The following LRP1B variants were observed in gnomAD, a reference collection of about 807,000 sequenced individuals.
LRP1B encodes the protein low-density lipoprotein receptor-related protein 1B.
Under a neutral mutation model 556.6 loss-of-function variants are expected in LRP1B, and 217 were observed. The observed-to-expected ratio is 0.39, with a 90% CI of 0.35 to 0.44. LRP1B has a LOEUF of 0.44. Among genes scored for constraint, LRP1B ranks in the 20% least tolerant of loss-of-function variants. The pLI is 1.00. For missense variants in LRP1B, 5,053 were observed against 5,620.8 expected (o/e 0.90, Z 3.23); for synonymous variants, 2,047 against 1,865.8 (o/e 1.10, Z -2.50).
intron 43 of LRP1B, among the ~76,000 whole-genome samples, chr2:140,549,560 A>C (rs538076330): frequency 1.3e-5 from 2 of 152,312 alleles, no homozygotes; most frequent in South Asian, 4.2e-4. Flanking sequence ...GCAGTAATGG[A>C]AAGTTGAGTA....
chr2:142,026,530 A>G (rs1304038887), intron 1 of LRP1B, among the ~76,000 whole-genome samples: 1 of 152,072 alleles, frequency 6.6e-6, no homozygotes, highest in Admixed American at 6.6e-5. Context: ...ATCTCAACAA[A>G]CCTCTAGTGA....
chr2:141,685,230 A>C (rs149522335), intron 2 of LRP1B, among the ~76,000 whole-genome samples: 1 of 152,068 alleles, frequency 6.6e-6, no homozygotes, highest in Non-Finnish European at 1.5e-5. Context: ...TCATCAGTCT[A>C]CAGATGGAGC....
Position 140,575,533 on chromosome 2 carries a change from A to G in LRP1B, c.7194+23098T>C, listed in dbSNP as rs76297662. ...AAAATCATCTTACTTTTAGTTCTAC[A>G]TATTTCATAATTGGTTACTTTCAAT... On this transcript the variant is annotated intron_variant, in intron 43 of 90. Transcript: ENST00000389484. Among the ~76,000 whole-genome samples the G allele has an allele frequency of 3.6e-3, 554 of 152,282 alleles. 6 individuals carry two copies. Among genetic ancestry groups the G allele is most frequent in the East Asian group, 0.032 (167 of 5,170 alleles).
chr2:140,462,328 A>G (rs1268827735), intron 60 of LRP1B, among the ~76,000 whole-genome samples: 2 of 152,236 alleles, frequency 1.3e-5, no homozygotes, highest in Admixed American at 6.5e-5. Context: ...TGCAGAAAAT[A>G]GAAAACATAT....
intron 86 of LRP1B, among the ~76,000 whole-genome samples, chr2:140,252,753 T>C (rs1049839252): frequency 3.9e-5 from 6 of 152,064 alleles, no homozygotes; most frequent in African/African-American, 1.2e-4. Flanking sequence ...CAATAATCTG[T>C]CCCTGTCTGC....
At chr2:141,217,468 T>C (rs553313522) in intron 6 of LRP1B, among the ~76,000 whole-genome samples, 12 of 152,294 alleles carry the variant, frequency 7.9e-5, no homozygotes, top group African/African-American at 2.9e-4. Context: ...AAAGGTGAGC[T>C]TGATAGAAGA....
intron 49 of LRP1B, among the ~76,000 whole-genome samples, chr2:140,521,349 C>T (rs546398651): frequency 6.6e-6 from 1 of 152,212 alleles, no homozygotes; most frequent in African/African-American, 2.4e-5. Flanking sequence ...TAACAACAGA[C>T]TTCTCAGCAG....
chr2:141,130,050 C>T (rs929294851), intron 7 of LRP1B, among the ~76,000 whole-genome samples: 2 of 151,658 alleles, frequency 1.3e-5, no homozygotes, highest in Non-Finnish European at 2.9e-5. Context: ...TAAAGTACTT[C>T]AAAAAATGTA....
At chr2:140,779,749 T>C (rs1689628972) in intron 32 of LRP1B, among the ~76,000 whole-genome samples, 2 of 105,828 alleles carry the variant, frequency 1.9e-5, no homozygotes, top group South Asian at 7.0e-4. Context: ...TGTCTCTCTG[T>C]GAGAGAGTGT....
At chr2:140,721,424 A>C (rs1486305504) in intron 35 of LRP1B, among the ~76,000 whole-genome samples, 1 of 152,052 alleles carries the variant, frequency 6.6e-6, no homozygotes, top group African/African-American at 2.4e-5. Context: ...ATTTAAAAAA[A>C]TTATATGTTA....
intron 1 of LRP1B, among the ~76,000 whole-genome samples, chr2:141,911,942 A>G (rs1259431657): frequency 6.6e-6 from 1 of 152,160 alleles, no homozygotes; most frequent in African/African-American, 2.4e-5. Context: ...CCCTACAAGC[A>G]TGCACCACAC....
chr2:141,464,606 A>ATATATATTTTT lies in LRP1B; in HGVS notation c.343+15789_343+15790insAAAAATATATA. Among the ~76,000 whole-genome samples, 61 of 90,540 alleles carry ATATATATTTTT rather than the reference A, an allele frequency of 6.7e-4. 2 individuals are homozygous for ATATATATTTTT. Among genetic ancestry groups the ATATATATTTTT allele is most frequent in the Middle Eastern group, 5.5e-3 (1 of 182 alleles). 59.4% of individuals were successfully genotyped at this position (90,540 alleles called of 152,430 possible). On this transcript the variant is annotated intron_variant, in intron 3 of 90. Transcript: ENST00000389484. ...TTTGTATATATATATATATATATAT[A>ATATATATTTTT]TTTTTTTAGTAGAGATGGGGTTTCA...
intron 77 of LRP1B, among the ~76,000 whole-genome samples, chr2:140,348,175 C>G (rs960150843): frequency 1.3e-5 from 2 of 151,818 alleles, no homozygotes; most frequent in East Asian, 1.9e-4. Context: ...AAGCTGAGAC[C>G]CAGAGATGTG....
chr2:140,591,503 A>T (rs1327623221), intron 43 of LRP1B, among the ~76,000 whole-genome samples: 1 of 152,200 alleles, frequency 6.6e-6, no homozygotes, highest in Non-Finnish European at 1.5e-5. Flanking sequence ...CCTTTAAGAC[A>T]ATTACCCATC....
At position 142,077,664 on chromosome 2, in the gene LRP1B, T is replaced by G. The variant is rs1486074892; in HGVS notation, c.82+52984A>C. On this transcript the variant is annotated intron_variant, in intron 1 of 90. Coordinates refer to ENST00000389484, the MANE Select transcript of LRP1B (RefSeq NM_018557.3). Reference sequence around the variant, plus strand: ...GTTTTTTTGAAGTGCTAAGAGACAGTCAATGATAAAGCCTTCTCTGCAGGG... The same window carrying G: ...GTTTTTTTGAAGTGCTAAGAGACAGGCAATGATAAAGCCTTCTCTGCAGGG... Among the ~76,000 whole-genome samples, 2 of 152,094 alleles carry G rather than the reference T, an allele frequency of 1.3e-5. 1 individual carries two copies. Among genetic ancestry groups the G allele is most frequent in the Non-Finnish European group, 2.9e-5 (2 of 68,004 alleles).
chr2:140,772,681 T>C (rs1311942738), intron 33 of LRP1B, among the ~76,000 whole-genome samples: 1 of 152,172 alleles, frequency 6.6e-6, no homozygotes, highest in East Asian at 1.9e-4. Context: ...ATTAATGTAA[T>C]GCCAATCTTT....
At chr2:141,920,289 T>G (rs113030090) in intron 1 of LRP1B, among the ~76,000 whole-genome samples, 44,536 of 102,054 alleles carry the variant, frequency 0.44, 9,233 homozygotes, top group East Asian at 0.5. Flanking sequence ...TGGGGGGGGG[T>G]GGTAGGGATA....
chr2:141,096,632 G>C (rs1346796233), intron 7 of LRP1B, among the ~76,000 whole-genome samples: 11 of 28,262 alleles, frequency 3.9e-4, no homozygotes, highest in Non-Finnish European at 8.2e-4. Context: ...GAGAGGGGGA[G>C]AGAGAGAGAG....
At chr2:141,679,186 G>C (rs1691014068) in intron 2 of LRP1B, among the ~76,000 whole-genome samples, 1 of 152,054 alleles carries the variant, frequency 6.6e-6, no homozygotes, top group Admixed American at 6.6e-5. Context: ...AATAACACAC[G>C]AGTAAGCCTG....
Sources: gnomAD v4.1 joint callset for allele counts (sites outside exome capture counted in the v4.1 genomes callset) on GRCh38, gnomAD v4.1.1 for gene constraint, MANE v1.5 for transcripts, NCBI Gene and HGNC (gene_info 2026-07-23, HGNC 2026-07-21) for gene names.